The following SLC7A6 variants were observed in gnomAD, a reference collection of about 807,000 sequenced individuals.
The protein encoded by SLC7A6 is Y+L amino acid transporter 2.
A neutral mutation model predicts 46.6 loss-of-function variants in SLC7A6; 29 were observed. That is an observed-to-expected ratio of 0.62 (90% confidence interval 0.46 to 0.85). SLC7A6 has a LOEUF of 0.85. Ranked by LOEUF, SLC7A6 falls within the 40% of genes least tolerant of loss-of-function variation. The pLI is 0.00. For missense variants in SLC7A6, 527 were observed against 647.6 expected (o/e 0.81, Z 2.02); for synonymous variants, 276 against 257.3 (o/e 1.07, Z -0.70).
chr16:68,296,847 A>G lies in SLC7A6; in HGVS notation c.1453+37A>G, dbSNP rs753682476. 5.2e-5 allele frequency: 83 copies of G among 1,608,512 alleles called. No homozygotes were observed. The East Asian group carries it at 9.8e-4, about 19-fold the overall frequency. On this transcript the variant is annotated intron_variant, in intron 10 of 10. Transcript: ENST00000219343. ...TGTGCCCCATTACTCACTGGCGGCT[A>G]TGTGTGCATGCGCATGCAGAGGTGG...
rs865978522 is a variant in SLC7A6, at chr16:68,301,292, C to T, written c.*3964C>T. Reference sequence around the variant, plus strand: ...CAAGACCATCAGTCTGAATCCAGGTCGTGGGGGCTGTCATAGCCGAACTCC... The same window carrying T: ...CAAGACCATCAGTCTGAATCCAGGTTGTGGGGGCTGTCATAGCCGAACTCC... On this transcript the variant is annotated 3_prime_UTR_variant, in exon 11 of 11. Transcript: ENST00000219343. The T allele has an allele frequency of 5.6e-6, 9 of 1,613,930 alleles. No homozygotes were observed. The Admixed American group carries it at 6.7e-5, about 12-fold the overall frequency.
At chr16:68,277,550 A>G (rs2042735607) in intron 3 of SLC7A6, among the ~76,000 whole-genome samples, 1 of 151,812 alleles carries the variant, frequency 6.6e-6, no homozygotes, top group Non-Finnish European at 1.5e-5. Flanking sequence ...TGACCTCGTG[A>G]TCCGCCCGCC....
chr16:68,301,757 G>T lies in SLC7A6; in HGVS notation c.*4429G>T, dbSNP rs2043281016. ...GTGTTATTGACAAACCTCCCCAAAA[G>T]AATATGCAATTGTTTGATTCATTTC... On this transcript the variant is annotated 3_prime_UTR_variant, in exon 11 of 11. Coordinates refer to ENST00000219343, the MANE Select transcript of SLC7A6 (RefSeq NM_003983.6). 6.0e-6 allele frequency: 1 copy of T among 167,648 alleles called. No homozygotes were observed. The highest frequency in any genetic ancestry group is 1.3e-5 in the Non-Finnish European group (1 of 79,388). The allele number at this position is 167,648 out of a possible 1,614,324, so 10.4% of individuals were successfully genotyped here.
At chr16:68,289,273 A>T (rs2043000552) in intron 4 of SLC7A6, among the ~76,000 whole-genome samples, 2 of 152,162 alleles carry the variant, frequency 1.3e-5, no homozygotes, top group African/African-American at 4.8e-5. Flanking sequence ...AGCCTGGGCA[A>T]CAAGAACGAA....
intron 3 of SLC7A6, among the ~76,000 whole-genome samples, chr16:68,275,734 T>C (rs1251826773): frequency 6.6e-6 from 1 of 152,042 alleles, no homozygotes; most frequent in Non-Finnish European, 1.5e-5. Context: ...GCATAAAGGA[T>C]GGGGATGGGA....
intron 3 of SLC7A6, among the ~76,000 whole-genome samples, chr16:68,286,091 CAA>C (rs1165671231): frequency 1.1e-4 from 5 of 44,218 alleles, no homozygotes; most frequent in African/African-American, 2.7e-4. Flanking sequence ...GACCCTGTCT[CAA>C]AAAAAAAAAA....
intron 7 of SLC7A6, 170 bp from the exon 8 acceptor site, chr16:68,294,535 G>C (rs750428902): frequency 3.4e-6 from 2 of 595,870 alleles, no homozygotes; most frequent in Admixed American, 5.9e-5. Flanking sequence ...CTGTAGGGAA[G>C]GGGGGAGCAG....
intron 4 of SLC7A6, 96 bp downstream of exon 4, chr16:68,287,967 T>G: frequency 6.6e-7 from 1 of 1,516,152 alleles, no homozygotes; most frequent in Non-Finnish European, 8.9e-7. Context: ...GCTGTTTCTA[T>G]GTACATGCTA....
chr16:68,272,185 A>G (rs1051877802), intron 2 of SLC7A6, among the ~76,000 whole-genome samples: 2 of 152,204 alleles, frequency 1.3e-5, no homozygotes, highest in African/African-American at 4.8e-5. Flanking sequence ...AGGCCAAGGT[A>G]GGAGGATCAG....
intron 3 of SLC7A6, among the ~76,000 whole-genome samples, chr16:68,279,032 T>TA (rs962086457): frequency 1.0e-4 from 15 of 150,634 alleles, no homozygotes; most frequent in Non-Finnish European, 1.5e-4. Context: ...TTTATAAAAT[T>TA]AAAAAAAAAA....
At chr16:68,291,762 G>GGTGT (rs10525504) in intron 7 of SLC7A6, 101 bp downstream of exon 7, 113,585 of 541,130 alleles carry the variant, frequency 0.21, 5,358 homozygotes, top group East Asian at 0.31. Context: ...GGGCATATAG[G>GGTGT]GTGTGTGTGT....
intron 3 of SLC7A6, chr16:68,284,542 G>T: frequency 1.9e-6 from 1 of 540,498 alleles, no homozygotes; most frequent in Non-Finnish European, 2.4e-6. Context: ...GCACATAGTT[G>T]AATTTCCACT....
At chr16:68,282,048 T>G (rs1018745307) in intron 3 of SLC7A6, among the ~76,000 whole-genome samples, 6 of 152,194 alleles carry the variant, frequency 3.9e-5, no homozygotes, top group Non-Finnish European at 5.9e-5. Flanking sequence ...GAGTATCCAT[T>G]GTTTCCATGC....
intron 7 of SLC7A6, among the ~76,000 whole-genome samples, chr16:68,293,312 C>T (rs1308871792): frequency 5.3e-5 from 8 of 152,076 alleles, no homozygotes; most frequent in African/African-American, 1.4e-4. Flanking sequence ...TAGTCCCAGC[C>T]GCTCGGGAGG....
chr16:68,290,318 AC>A, intron 4 of SLC7A6, 77 bp from the exon 5 acceptor site: 2 of 1,456,564 alleles, frequency 1.4e-6, no homozygotes, highest in Non-Finnish European at 1.9e-6. Context: ...TCTTTCTCTT[AC>A]ACCTCCCATC....
Position 68,264,543 on chromosome 16 carries a change from A to T in SLC7A6, c.-199A>T. On this transcript the variant is annotated 5_prime_UTR_variant, in exon 1 of 11. Coordinates refer to ENST00000219343, the MANE Select transcript of SLC7A6 (RefSeq NM_003983.6). The surrounding 1 kb of genome is among the most constrained non-coding windows in gnomAD (Gnocchi z 5.8). ...GAGCTGCCGCGGCGGCGGCGGCGCG[A>T]CCGAGCATCCTGGCGGCGCCGGGCC... is the stretch of plus-strand genomic sequence containing the variant. The T allele has an allele frequency of 6.6e-6, 1 of 151,354 alleles. No individual in the cohort carries two copies. Among genetic ancestry groups the T allele is most frequent in the South Asian group, 1.9e-4 (1 of 5,240 alleles). The allele number at this position is 151,354 out of a possible 1,614,324, so 9.4% of individuals were successfully genotyped here.
At chr16:68,286,189 C>T (rs2042928921) in intron 3 of SLC7A6, among the ~76,000 whole-genome samples, 1 of 151,852 alleles carries the variant, frequency 6.6e-6, no homozygotes, top group Non-Finnish European at 1.5e-5. Flanking sequence ...GAAGCATGAC[C>T]CAATCACCTG....
rs2043169960 is a variant in SLC7A6 at position 68,296,515 on chromosome 16, T to C, written c.1269+2T>C. On this transcript the variant is annotated splice_donor_variant, in intron 9 of 10. Coordinates refer to ENST00000219343, the MANE Select transcript of SLC7A6 (RefSeq NM_003983.6). LOFTEE classifies it high-confidence loss of function. The stretch of plus-strand genomic sequence containing the variant: ...CCCAAGCGGCCCCGGCCTCTCAAGG[T>C]CAGCAGCTCTGGCCAGACTAGGAGG... 6.2e-7 allele frequency: 1 copy of C among 1,614,144 alleles called. No homozygotes were observed. The highest frequency in any genetic ancestry group is 1.7e-5 in the Admixed American group (1 of 60,018).
At position 68,289,679 on chromosome 16, in the gene SLC7A6, G is replaced by A. The variant is rs1034295711; in HGVS notation, c.650-717G>A. ...GGGTCTCTGATCTGGGTAGCTGGGT[G>A]CTGTCCCCTGGGCTTTTGTGTCTGC... On this transcript the variant is annotated intron_variant, in intron 4 of 10. Transcript: ENST00000219343. 1.1e-4 allele frequency among the ~76,000 whole-genome samples: 17 copies of A among 152,302 alleles called. 1 individual carries two copies. In the Middle Eastern group the frequency reaches 0.01, roughly 91 times the overall value.
Sources: allele counts gnomAD v4.1 joint callset (sites outside exome capture counted in the v4.1 genomes callset), GRCh38; gene constraint gnomAD v4.1.1; non-coding constraint Gnocchi (gnomAD v3.1); transcripts MANE v1.5; gene names NCBI Gene and HGNC (gene_info 2026-07-23, HGNC 2026-07-21).